The following CHCHD3 variants were observed in gnomAD, a reference collection of about 807,000 sequenced individuals.
CHCHD3 encodes coiled-coil-helix-coiled-coil-helix domain containing 3.
Under a neutral mutation model 38.2 loss-of-function variants are expected in CHCHD3, and 20 were observed. The ratio of observed to expected loss-of-function variants is 0.52; its 90% confidence interval spans 0.37 to 0.76. The LOEUF (loss-of-function observed/expected upper bound fraction) is 0.76. Among genes scored for constraint, CHCHD3 ranks in the 30% least tolerant of loss-of-function variants. CHCHD3 has a pLI of 0.00. For missense variants in CHCHD3, 245 were observed against 279.2 expected, an observed-to-expected ratio of 0.88 and a Z score of 0.87; for synonymous variants, 82 against 100.0, an observed-to-expected ratio of 0.82 and a Z score of 1.07.
intron 4 of CHCHD3, among the ~76,000 whole-genome samples, chr7:132,887,346 A>G (rs1809242937): frequency 6.6e-6 from 1 of 151,908 alleles, no homozygotes; most frequent in Non-Finnish European, 1.5e-5. Context: ...ATATGAAACA[A>G]AAAGTAAATG....
At chr7:132,790,326 A>G (rs2117019842) in intron 7 of CHCHD3, among the ~76,000 whole-genome samples, 1 of 152,352 alleles carries the variant, frequency 6.6e-6, no homozygotes, top group South Asian at 2.1e-4. Flanking sequence ...TGACCATGGG[A>G]AAAGAAATAC....
At chr7:132,893,974 T>C (rs1243879243) in intron 4 of CHCHD3, among the ~76,000 whole-genome samples, 2 of 152,248 alleles carry the variant, frequency 1.3e-5, no homozygotes, top group Non-Finnish European at 2.9e-5. Flanking sequence ...GTATATCTGC[T>C]ATTCTCTTAA....
intron 2 of CHCHD3, among the ~76,000 whole-genome samples, chr7:133,053,592 T>A (rs1415322235): frequency 2.0e-5 from 3 of 152,214 alleles, no homozygotes. Context: ...CCACTTCCAC[T>A]ATTCCTTTAA....
Position 132,829,797 on chromosome 7 carries a change from G to A in CHCHD3, c.524+8602C>T, listed in dbSNP as rs188251847. Among the ~76,000 whole-genome samples the A allele has an allele frequency of 3.1e-3, 469 of 152,284 alleles. 2 individuals are homozygous for A. The highest frequency in any genetic ancestry group is 5.3e-3 in the Non-Finnish European group (362 of 68,012). On this transcript the variant is annotated intron_variant, in intron 6 of 7. Transcript: ENST00000262570. ...TTTGGTCTTGTGACCATGTTCATGA[G>A]ATGGCTGCATTTTGCATTGTCTTTT...
At chr7:133,074,819 T>G (rs1426622629) in intron 1 of CHCHD3, among the ~76,000 whole-genome samples, 1 of 152,186 alleles carries the variant, frequency 6.6e-6, no homozygotes, top group Non-Finnish European at 1.5e-5. Flanking sequence ...AAAATGAAAA[T>G]AATGTTTACC....
intron 3 of CHCHD3, among the ~76,000 whole-genome samples, chr7:133,002,981 A>G (rs1257575100): frequency 6.6e-6 from 1 of 152,254 alleles, no homozygotes; most frequent in Non-Finnish European, 1.5e-5. Context: ...GAAAAATAAA[A>G]CATGTATTTG....
intron 5 of CHCHD3, among the ~76,000 whole-genome samples, chr7:132,872,368 T>C (rs879340477): frequency 2.6e-5 from 4 of 152,120 alleles, no homozygotes; most frequent in Non-Finnish European, 5.9e-5. Context: ...GACACCATGG[T>C]TCAAGGCTAC....
At chr7:133,045,670 A>T (rs1422116640) in intron 2 of CHCHD3, among the ~76,000 whole-genome samples, 3 of 152,154 alleles carry the variant, frequency 2.0e-5, no homozygotes, top group Non-Finnish European at 2.9e-5. Context: ...CAACATATGT[A>T]TATGCTGATA....
At chr7:132,968,259 A>AG (rs2117320013) in intron 4 of CHCHD3, among the ~76,000 whole-genome samples, 1 of 152,332 alleles carries the variant, frequency 6.6e-6, no homozygotes. Flanking sequence ...CCAAATGCAC[A>AG]GGGGGCTCCC....
At chr7:132,991,471 C>T (rs755980318) in intron 3 of CHCHD3, among the ~76,000 whole-genome samples, 1 of 152,060 alleles carries the variant, frequency 6.6e-6, no homozygotes, top group Non-Finnish European at 1.5e-5. Flanking sequence ...AACTGATATA[C>T]TTATTTCTTC....
intron 3 of CHCHD3, among the ~76,000 whole-genome samples, chr7:133,004,296 C>A (rs1427131736): frequency 1.3e-5 from 2 of 152,120 alleles, no homozygotes; most frequent in Non-Finnish European, 2.9e-5. Context: ...TTAATGTGTA[C>A]CTGGGTAAGA....
intron 3 of CHCHD3, among the ~76,000 whole-genome samples, chr7:132,996,722 C>T (rs755755527): frequency 1.1e-4 from 16 of 152,070 alleles, no homozygotes; most frequent in Non-Finnish European, 2.4e-4. Context: ...AAGAGATAAG[C>T]AAAGGGAAGA....
chr7:132,972,151 T>G (rs768639336), intron 4 of CHCHD3, among the ~76,000 whole-genome samples: 24 of 152,232 alleles, frequency 1.6e-4, no homozygotes, highest in Non-Finnish European at 2.5e-4. Flanking sequence ...ATACTGATTT[T>G]CTTTGTAATT....
At chr7:133,066,375 A>G (rs1814671076) in intron 2 of CHCHD3, among the ~76,000 whole-genome samples, 1 of 151,680 alleles carries the variant, frequency 6.6e-6, no homozygotes, top group Admixed American at 6.6e-5. Flanking sequence ...ATGCCTCAGT[A>G]TCCTGAGTAG....
At chr7:132,941,201 TTGA>T (rs1364904118) in intron 4 of CHCHD3, among the ~76,000 whole-genome samples, 4 of 152,320 alleles carry the variant, frequency 2.6e-5, no homozygotes, top group African/African-American at 7.2e-5. Context: ...TAGCTAAATA[TTGA>T]TGATAACAGT....
intron 4 of CHCHD3, among the ~76,000 whole-genome samples, chr7:132,937,735 G>A (rs902216892): frequency 6.6e-6 from 1 of 152,144 alleles, no homozygotes; most frequent in African/African-American, 2.4e-5. Context: ...GCTGTGGCTG[G>A]CAATTAGCAG....
At chr7:133,030,372 T>C (rs1182785450) in intron 2 of CHCHD3, among the ~76,000 whole-genome samples, 1 of 152,208 alleles carries the variant, frequency 6.6e-6, no homozygotes, top group Non-Finnish European at 1.5e-5. Context: ...TCCCAGGATC[T>C]GAACATTTTC....
At chr7:132,948,425 T>C (rs10231104) in intron 4 of CHCHD3, among the ~76,000 whole-genome samples, 147,253 of 152,192 alleles carry the variant, frequency 0.97, 71,434 homozygotes, top group Middle Eastern at 1. Flanking sequence ...GAGGGTAGGA[T>C]CGAAACTTCG....
chr7:132,855,568 T>G (rs1808325863), intron 5 of CHCHD3, among the ~76,000 whole-genome samples: 1 of 152,192 alleles, frequency 6.6e-6, no homozygotes, highest in South Asian at 2.1e-4. Context: ...AAGGCCTTTT[T>G]GAAAGACTTG....
Sources: gnomAD v4.1 joint callset for allele counts (sites outside exome capture counted in the v4.1 genomes callset) on GRCh38, gnomAD v4.1.1 for gene constraint, MANE v1.5 for transcripts, NCBI Gene and HGNC (gene_info 2026-07-23, HGNC 2026-07-21) for gene names.